The following CDYL variants were observed in gnomAD, a reference collection of about 807,000 sequenced individuals.
CDYL encodes the protein chromodomain Y like.
Under a neutral mutation model 47.3 loss-of-function variants are expected in CDYL, and 8 were observed. That is an observed-to-expected ratio of 0.17 (90% CI 0.10 to 0.31). The LOEUF is 0.31. Ranked by LOEUF, CDYL falls within the 10% of genes least tolerant of loss-of-function variation. The pLI is 1.00. For missense variants in CDYL, 471 were observed against 701.4 expected (o/e 0.67, Z 3.71); for synonymous variants, 266 against 265.0 (o/e 1.00, Z -0.04).
At chr6:4,812,942 T>C (rs1016107893) in intron 1 of CDYL, among the ~76,000 whole-genome samples, 1 of 152,230 alleles carries the variant, frequency 6.6e-6, no homozygotes, top group African/African-American at 2.4e-5. Context: ...GTCTGTTTTC[T>C]TTTAGATTTA....
At chr6:4,806,299 A>C (rs1242978818) in intron 1 of CDYL, among the ~76,000 whole-genome samples, 1 of 152,202 alleles carries the variant, frequency 6.6e-6, no homozygotes, top group East Asian at 1.9e-4. Flanking sequence ...GGGCAGGGCG[A>C]GGTCTGCATC....
chr6:4,770,638 A>G (rs1308426679), intron 3 of CDYL, among the ~76,000 whole-genome samples: 1 of 152,178 alleles, frequency 6.6e-6, no homozygotes, highest in Non-Finnish European at 1.5e-5. Flanking sequence ...CATTGTGTGG[A>G]AAGATAAGGC....
At chr6:4,791,192 C>T (rs529676592) in intron 1 of CDYL, among the ~76,000 whole-genome samples, 1 of 152,326 alleles carries the variant, frequency 6.6e-6, no homozygotes, top group South Asian at 2.1e-4. Flanking sequence ...TGATCTTTGT[C>T]ATCAATACCA....
intron 1 of CDYL, among the ~76,000 whole-genome samples, chr6:4,810,461 G>A (rs368044279): frequency 7.9e-5 from 12 of 152,174 alleles, no homozygotes; most frequent in East Asian, 5.8e-4. Flanking sequence ...TGTTGTGACT[G>A]TATGGGATGA....
chr6:4,808,872 T>C (rs1187856636), intron 1 of CDYL, among the ~76,000 whole-genome samples: 1 of 152,246 alleles, frequency 6.6e-6, no homozygotes, highest in Non-Finnish European at 1.5e-5. Context: ...TTAGATTAAT[T>C]TGTTACTGCT....
chr6:4,806,550 A>C (rs1283902983), intron 1 of CDYL, among the ~76,000 whole-genome samples: 1 of 152,198 alleles, frequency 6.6e-6, no homozygotes, highest in East Asian at 1.9e-4. Flanking sequence ...ACATTGTAGC[A>C]CAGTTACCAA....
At chr6:4,889,301 C>G (rs573646584) in intron 1 of CDYL, among the ~76,000 whole-genome samples, 1 of 151,866 alleles carries the variant, frequency 6.6e-6, no homozygotes, top group South Asian at 2.1e-4. Context: ...CTTGGCTCAC[C>G]GCAACCTCCA....
At chr6:4,740,527 C>T (rs1386358743) in intron 3 of CDYL, among the ~76,000 whole-genome samples, 2 of 152,202 alleles carry the variant, frequency 1.3e-5, no homozygotes, top group Admixed American at 6.5e-5. Flanking sequence ...AATGTAAGCT[C>T]ATAGAAATTA....
intron 3 of CDYL, among the ~76,000 whole-genome samples, chr6:4,743,794 A>T (rs1199911650): frequency 6.6e-6 from 1 of 152,256 alleles, no homozygotes; most frequent in East Asian, 1.9e-4. Context: ...TTTAAACATA[A>T]TACAAGGTGG....
Position 4,937,687 on chromosome 6 carries a change from T to C in CDYL, c.1071T>C (p.Arg357=). 1 of 1,613,728 alleles carries C rather than the reference T, an allele frequency of 6.2e-7. No individual in the cohort carries two copies. The stretch of plus-strand genomic sequence containing the variant: ...TTGACTTTATTTATTTTATACGACG[T>C]CTGACAGATGACAGGAAAAGAGAAA... ...CGLDFIYFIR[R]LTDDRKREST... Residue 357 remains arginine (R), a synonymous_variant, in exon 4 of 7, where the codon CGT becomes CGC. Coordinates refer to ENST00000397588, the MANE Select transcript of CDYL (RefSeq NM_004824.4).
chr6:4,914,517 C>T (rs1156429729), intron 2 of CDYL, among the ~76,000 whole-genome samples: 1 of 152,188 alleles, frequency 6.6e-6, no homozygotes, highest in Non-Finnish European at 1.5e-5. Flanking sequence ...CACATGGCCC[C>T]AGCTTTCCTT....
intron 1 of CDYL, among the ~76,000 whole-genome samples, chr6:4,822,504 G>C (rs1334668355): frequency 6.6e-6 from 1 of 152,094 alleles, no homozygotes; most frequent in African/African-American, 2.4e-5. Flanking sequence ...CACTTGTAAA[G>C]TATAAAAGCT....
At chr6:4,817,473 C>G (rs1345255551) in intron 1 of CDYL, among the ~76,000 whole-genome samples, 1 of 152,114 alleles carries the variant, frequency 6.6e-6, no homozygotes, top group Non-Finnish European at 1.5e-5. Flanking sequence ...TACGAGCCAC[C>G]ACTAGACAGT....
intron 2 of CDYL, among the ~76,000 whole-genome samples, chr6:4,934,018 G>A (rs957160332): frequency 2.6e-5 from 4 of 152,204 alleles, no homozygotes; most frequent in African/African-American, 9.6e-5. Context: ...ACCATGAGAT[G>A]TAACAATGTG....
At chr6:4,748,084 C>T (rs1439255899) in intron 3 of CDYL, among the ~76,000 whole-genome samples, 4 of 152,198 alleles carry the variant, frequency 2.6e-5, no homozygotes, top group African/African-American at 9.6e-5. Flanking sequence ...AGCTTCTCGA[C>T]ACACCAAGTC....
chr6:4,820,560 G>T (rs932006395), intron 1 of CDYL, among the ~76,000 whole-genome samples: 3 of 152,118 alleles, frequency 2.0e-5, no homozygotes, highest in African/African-American at 7.2e-5. Context: ...TCCCAGTGAG[G>T]GAATCGAGGG....
intron 1 of CDYL, among the ~76,000 whole-genome samples, chr6:4,878,365 G>A (rs1439238623): frequency 4.6e-5 from 7 of 151,848 alleles, no homozygotes; most frequent in Non-Finnish European, 2.9e-5. Context: ...GGTTTGATGT[G>A]TGTGTGTGTA....
chr6:4,803,613 C>T (rs1417214403), intron 1 of CDYL, among the ~76,000 whole-genome samples: 1 of 152,090 alleles, frequency 6.6e-6, no homozygotes, highest in Non-Finnish European at 1.5e-5. Context: ...CCTGACCTTG[C>T]CTGTCTGCGT....
At chr6:4,832,309 C>G (rs1760170114) in intron 1 of CDYL, among the ~76,000 whole-genome samples, 2 of 151,980 alleles carry the variant, frequency 1.3e-5, no homozygotes, top group African/African-American at 4.8e-5. Flanking sequence ...TTGTCAAAGG[C>G]CTTTTCTGCA....
Sources: gnomAD v4.1 joint callset for allele counts (sites outside exome capture counted in the v4.1 genomes callset) on GRCh38, gnomAD v4.1.1 for gene constraint, MANE v1.5 for transcripts, NCBI Gene and HGNC (gene_info 2026-07-23, HGNC 2026-07-21) for gene names.